EHD4: variants seen among roughly 807,000 people sequenced by gnomAD.
EHD4 encodes EH domain containing 4.
A neutral mutation model predicts 51.0 loss-of-function variants in EHD4; 37 were observed. The ratio of observed to expected loss-of-function variants is 0.73; its 90% CI spans 0.56 to 0.95. The LOEUF is 0.95. Ranked by LOEUF, EHD4 falls within the 40% of genes least tolerant of loss-of-function variation. The probability of loss-of-function intolerance (pLI) is 0.00; values close to 1 mark genes in which losing one functional copy is unlikely to be tolerated. For missense variants in EHD4, 632 were observed against 733.1 expected (o/e 0.86, Z 1.59); for synonymous variants, 297 against 317.3 (o/e 0.94, Z 0.68).
intron 4 of EHD4, among the ~76,000 whole-genome samples, chr15:41,912,617 C>T (rs975330309): frequency 1.3e-5 from 2 of 152,140 alleles, no homozygotes; most frequent in African/African-American, 4.8e-5. Flanking sequence ...ATAGCTTGAA[C>T]CCGGGAGGCA....
At chr15:41,954,124 T>A (rs904600223) in intron 1 of EHD4, among the ~76,000 whole-genome samples, 184 bp from the exon 2 acceptor site, 1 of 152,158 alleles carries the variant, frequency 6.6e-6, no homozygotes, top group Non-Finnish European at 1.5e-5. Context: ...CCAAGGGAAG[T>A]GTACCGTGCT....
chr15:41,963,999 G>C (rs748650629), intron 1 of EHD4, among the ~76,000 whole-genome samples: 49 of 151,880 alleles, frequency 3.2e-4, no homozygotes, highest in Middle Eastern at 3.4e-3. Flanking sequence ...CAAAAAATTA[G>C]CCGGGAGTGG....
At chr15:41,959,989 A>G (rs1481220692) in intron 1 of EHD4, among the ~76,000 whole-genome samples, 1 of 151,220 alleles carries the variant, frequency 6.6e-6, no homozygotes, top group Non-Finnish European at 1.5e-5. Context: ...AGCAGTTTCT[A>G]TTGTTTAATC....
At chr15:41,908,615 T>G (rs1001528375) in intron 5 of EHD4, 1 of 152,226 alleles carries the variant, frequency 6.6e-6, no homozygotes, top group Admixed American at 6.5e-5. Flanking sequence ...TGATCTGACA[T>G]ACAAATCCAG....
At chr15:41,907,876 ATT>A (rs200316993) in intron 5 of EHD4, among the ~76,000 whole-genome samples, 2,560 of 119,684 alleles carry the variant, frequency 0.021, 39 homozygotes, top group Admixed American at 0.039. Context: ...GTGTGTATAT[ATT>A]TATTTATTTT....
At chr15:41,950,640 C>T (rs144726570) in intron 2 of EHD4, among the ~76,000 whole-genome samples, 7 of 152,312 alleles carry the variant, frequency 4.6e-5, no homozygotes, top group African/African-American at 1.7e-4. Context: ...CTTAATGAGG[C>T]TGTTTACTCT....
chr15:41,934,763 T>C lies in EHD4; in HGVS notation c.511+8304A>G, dbSNP rs537088621. On this transcript the variant is annotated intron_variant, in intron 3 of 5. Coordinates refer to ENST00000220325, the MANE Select transcript of EHD4 (RefSeq NM_139265.4). ...GCTGGCCTAGAACATATATGCCACA[T>C]GTATGACAGAGAAGGAAAGGACAGC... 2.6e-5 allele frequency among the ~76,000 whole-genome samples: 4 copies of C among 152,162 alleles called. No homozygotes were observed. In the East Asian group the frequency reaches 5.8e-4, roughly 22 times the overall value.
intron 5 of EHD4, among the ~76,000 whole-genome samples, chr15:41,902,718 G>C (rs373291109): frequency 2.0e-5 from 3 of 150,652 alleles, no homozygotes; most frequent in Admixed American, 2.0e-4. Flanking sequence ...AGACCAGCCT[G>C]GTCATTAGAC....
chr15:41,916,797 G>A (rs181459086), intron 4 of EHD4, among the ~76,000 whole-genome samples: 4 of 152,280 alleles, frequency 2.6e-5, no homozygotes, highest in Admixed American at 2.6e-4. Context: ...GAGAAGCTCC[G>A]GCTGCAAATA....
At chr15:41,952,498 A>G (rs2067858938) in intron 2 of EHD4, among the ~76,000 whole-genome samples, 1 of 152,148 alleles carries the variant, frequency 6.6e-6, no homozygotes, top group Non-Finnish European at 1.5e-5. Flanking sequence ...TAGGAGGTGC[A>G]GGAGGGAGGA....
chr15:41,937,948 T>TA (rs2067743122), intron 3 of EHD4, among the ~76,000 whole-genome samples: 1 of 152,208 alleles, frequency 6.6e-6, no homozygotes, highest in Non-Finnish European at 1.5e-5. Flanking sequence ...TGCACATACA[T>TA]ATATAATGAG....
At chr15:41,962,816 G>A (rs976192522) in intron 1 of EHD4, among the ~76,000 whole-genome samples, 21 of 152,130 alleles carry the variant, frequency 1.4e-4, no homozygotes, top group Non-Finnish European at 1.8e-4. Context: ...CATTGAGAAC[G>A]GGCCATGATG....
chr15:41,958,793 T>C (rs1381873531), intron 1 of EHD4, among the ~76,000 whole-genome samples: 3 of 152,200 alleles, frequency 2.0e-5, no homozygotes, highest in African/African-American at 4.8e-5. Flanking sequence ...ATGAATAGTC[T>C]CATTTCATCC....
At chr15:41,958,573 G>A (rs1290349100) in intron 1 of EHD4, among the ~76,000 whole-genome samples, 1 of 151,508 alleles carries the variant, frequency 6.6e-6, no homozygotes, top group Non-Finnish European at 1.5e-5. Flanking sequence ...ATGACAAGGG[G>A]AAGAAAAAAA....
chr15:41,952,494 G>A (rs2067858918), intron 2 of EHD4, among the ~76,000 whole-genome samples: 1 of 152,104 alleles, frequency 6.6e-6, no homozygotes, highest in South Asian at 2.1e-4. Context: ...CAAATAGGAG[G>A]TGCAGGAGGG....
At chr15:41,952,998 C>CAA (rs33930801) in intron 2 of EHD4, among the ~76,000 whole-genome samples, 241 of 69,006 alleles carry the variant, frequency 3.5e-3, no homozygotes, top group South Asian at 8.2e-3. Context: ...TTCCCCCCCG[C>CAA]AAAAAAAAAA....
chr15:41,940,314 T>C (rs528530887), intron 3 of EHD4, among the ~76,000 whole-genome samples: 1 of 152,216 alleles, frequency 6.6e-6, no homozygotes, highest in African/African-American at 2.4e-5. Context: ...TATTATCCCA[T>C]GTTGACATTA....
At chr15:41,927,420 C>G (rs1484715563) in intron 3 of EHD4, among the ~76,000 whole-genome samples, 1 of 152,134 alleles carries the variant, frequency 6.6e-6, no homozygotes, top group Non-Finnish European at 1.5e-5. Context: ...TTTATGGCAA[C>G]AGCCAAGATG....
intron 1 of EHD4, among the ~76,000 whole-genome samples, chr15:41,962,797 C>G (rs1322311724): frequency 2.0e-5 from 3 of 152,044 alleles, no homozygotes; most frequent in African/African-American, 7.3e-5. Context: ...GGAGGTGTAC[C>G]CAACAGCTCA....
Sources: gnomAD v4.1 joint callset for allele counts (sites outside exome capture counted in the v4.1 genomes callset) on GRCh38, gnomAD v4.1.1 for gene constraint, MANE v1.5 for transcripts, NCBI Gene and HGNC (gene_info 2026-07-23, HGNC 2026-07-21) for gene names.